The following GBX1 variants were observed in gnomAD, a reference collection of about 807,000 sequenced individuals.
GBX1 encodes homeobox protein GBX-1.
In GBX1, 9 loss-of-function variants were observed where a neutral mutation model predicts 22.9. The ratio of observed to expected loss-of-function variants is 0.39; its 90% CI spans 0.24 to 0.69. GBX1 has a LOEUF of 0.69. Among genes scored for constraint, GBX1 ranks in the 30% least tolerant of loss-of-function variants. The probability of loss-of-function intolerance (pLI) is 0.43; values close to 1 mark genes in which losing one functional copy is unlikely to be tolerated. For synonymous variants in GBX1, 203 were observed against 227.3 expected (o/e 0.89, Z 0.96); for missense variants, 494 against 509.2 (o/e 0.97, Z 0.29).
chr7:151,149,016 G>A lies in GBX1; in HGVS notation c.665C>T (p.Ser222Phe). ...DSEDDGFLDS[S>F]AGGPGALLGP... is the part of the protein sequence containing the mutation. ...CAGAAGAGCCCCTGGGCCCCCTGCA[G>A]AACTGTCCAGGAAACCGTCATCCTC... The change falls in exon 2 of 2, where the codon TCT becomes TTT. Residue 222 changes from serine to phenylalanine, a missense_variant. By Grantham distance (155) the Ser-to-Phe change is radical. Transcript: ENST00000297537. 1 of 1,613,956 alleles carries A rather than the reference G, an allele frequency of 6.2e-7. No individual in the cohort carries two copies. Among genetic ancestry groups the A allele is most frequent in the Non-Finnish European group, 8.5e-7 (1 of 1,180,012 alleles).
rs1431770357 is a variant in GBX1 at position 151,148,146 on chromosome 7, G to A, written c.*443C>T. ...TCAGGGGTGCAGACAGACGTACAGA[G>A]ACAGATAGCTCCATATATACACATT... On this transcript the variant is annotated 3_prime_UTR_variant, in exon 2 of 2. Transcript: ENST00000297537. The surrounding 1 kb of genome is among the most constrained non-coding windows in gnomAD (Gnocchi z 5.1). 6.6e-6 allele frequency among the ~76,000 whole-genome samples: 1 copy of A among 152,170 alleles called. No individual in the cohort carries two copies. Among genetic ancestry groups the A allele is most frequent in the Admixed American group, 6.5e-5 (1 of 15,290 alleles).
At position 151,163,011 on chromosome 7, in the gene GBX1, G is replaced by T. The variant is rs547859701; in HGVS notation, c.538+4000C>A. Among the ~76,000 whole-genome samples the T allele has an allele frequency of 3.3e-5, 5 of 152,108 alleles. No homozygotes were observed. In the East Asian group the frequency reaches 9.6e-4, roughly 29 times the overall value. ...AGTAGAGATGGGGTTTCTCCATGTT[G>T]GTCAGGCTAGTCTGAAACTCCCAAT... On this transcript the variant is annotated intron_variant, in intron 1 of 1. Coordinates refer to ENST00000297537, the MANE Select transcript of GBX1 (RefSeq NM_001098834.3).
At chr7:151,163,329 C>G (rs1249825784) in intron 1 of GBX1, among the ~76,000 whole-genome samples, 1 of 151,996 alleles carries the variant, frequency 6.6e-6, no homozygotes, top group African/African-American at 2.4e-5. Context: ...TTTAGTGCTT[C>G]CTGCTCTCTT....
intron 1 of GBX1, 103 bp downstream of exon 1, chr7:151,166,908 G>C: frequency 4.3e-6 from 5 of 1,169,952 alleles, no homozygotes; most frequent in East Asian, 4.8e-5. Context: ...GGGACTTCAA[G>C]GCTCCAGGCA....
intron 1 of GBX1, among the ~76,000 whole-genome samples, chr7:151,155,491 C>T (rs1294187648): frequency 6.6e-6 from 1 of 152,196 alleles, no homozygotes; most frequent in African/African-American, 2.4e-5. Flanking sequence ...TTCCATTATG[C>T]TCCTACTCCT....
At chr7:151,166,931 C>A in intron 1 of GBX1, 80 bp downstream of exon 1, 1 of 1,442,152 alleles carries the variant, frequency 6.9e-7, no homozygotes. Context: ...TGCCGAGGTG[C>A]CGAGGTTCCG....
intron 1 of GBX1, among the ~76,000 whole-genome samples, chr7:151,155,802 C>T (rs1024328649): frequency 6.6e-5 from 10 of 152,078 alleles, no homozygotes; most frequent in Non-Finnish European, 1.3e-4. Context: ...AGTTGACTGA[C>T]GTAGAGCAGA....
intron 1 of GBX1, among the ~76,000 whole-genome samples, chr7:151,162,949 G>A (rs542169903): frequency 6.6e-6 from 1 of 152,130 alleles, no homozygotes; most frequent in African/African-American, 2.4e-5. Flanking sequence ...TGGGACCACA[G>A]GCATGCGGCA....
rs536221864 is a variant in GBX1 at position 151,151,030 on chromosome 7, C to G, written c.539-1888G>C. On this transcript the variant is annotated intron_variant, in intron 1 of 1. Transcript: ENST00000297537. The stretch of plus-strand genomic sequence containing the variant: ...TACAGGTGTGAGCCACTGCGCCCAG[C>G]TGACATTTTCCTTAGTGGCCAGAAC... Among the ~76,000 whole-genome samples the G allele has an allele frequency of 2.0e-5, 3 of 152,340 alleles. No homozygotes were observed. In the South Asian group the frequency reaches 6.2e-4, roughly 32 times the overall value.
intron 1 of GBX1, among the ~76,000 whole-genome samples, chr7:151,160,914 A>C (rs1033715059): frequency 6.6e-6 from 1 of 152,160 alleles, no homozygotes; most frequent in African/African-American, 2.4e-5. Context: ...GTTCAGACAC[A>C]AAGTTTCTTT....
In GBX1 at chr7:151,149,008, CCCCTGCAGAACTGT is replaced by C; in HGVS notation, c.659_672del (p.Asp220GlyfsTer9). On this transcript the variant is annotated frameshift_variant, in exon 2 of 2. Coordinates refer to ENST00000297537, the MANE Select transcript of GBX1 (RefSeq NM_001098834.3). LOFTEE classifies it high-confidence loss of function. ...TTAGGTCCCAGAAGAGCCCCTGGGC[CCCCTGCAGAACTGT>C]CCAGGAAACCGTCATCCTCGCTGTC... is the stretch of plus-strand genomic sequence containing the variant. 3.1e-6 allele frequency: 5 copies of C among 1,614,064 alleles called. No individual in the cohort carries two copies. The highest frequency in any genetic ancestry group is 1.1e-5 in the South Asian group (1 of 91,082).
rs937100382 is a variant in GBX1, at chr7:151,161,513, A to G, written c.538+5498T>C. ...TTTGTCAGTCTGGTAAAGCCTATGA[A>G]CACTTTCTAGAATAATGCTTTTAGA... On this transcript the variant is annotated intron_variant, in intron 1 of 1. Transcript: ENST00000297537. Among the ~76,000 whole-genome samples the G allele has an allele frequency of 3.9e-5, 6 of 152,196 alleles. No individual in the cohort carries two copies. In the East Asian group the frequency reaches 1.2e-3, roughly 29 times the overall value.
chr7:151,163,813 T>G (rs1016005942), intron 1 of GBX1, among the ~76,000 whole-genome samples: 7 of 152,196 alleles, frequency 4.6e-5, no homozygotes, highest in Admixed American at 1.3e-4. Context: ...TCTTTATTAC[T>G]CTTACTAAAA....
chr7:151,167,269 C>T lies in GBX1; in HGVS notation c.280G>A (p.Ala94Thr), dbSNP rs1425651775. 5.8e-6 allele frequency: 9 copies of T among 1,545,898 alleles called. No homozygotes were observed. Among genetic ancestry groups the T allele is most frequent in the Non-Finnish European group, 7.0e-6 (8 of 1,148,576 alleles). ...TNTFCAGLGQ[A>T]VPSMVALTTA... ...GTCAGCGCCACCATCGAGGGCACAG[C>T]CTGACCCAGCCCCGCGCAGAAGGTG... Residue 94 changes from alanine to threonine, a missense_variant, in exon 1 of 2, where the codon GCT becomes ACT. By Grantham distance (58) the Ala-to-Thr change is moderately conservative (BLOSUM62 0). Around this residue, in one of 3 missense-constraint regions of GBX1, gnomAD observed 365 missense variants for 340.4 expected, o/e 1.07. Transcript: ENST00000297537. The surrounding 1 kb of genome is among the most constrained non-coding windows in gnomAD (Gnocchi z 5.9).
chr7:151,165,565 G>A (rs148841177), intron 1 of GBX1, among the ~76,000 whole-genome samples: 121 of 152,058 alleles, frequency 8.0e-4, no homozygotes, highest in Non-Finnish European at 1.4e-3. Flanking sequence ...CCAGGCTCCC[G>A]CCCTGGGCCC....
At chr7:151,159,260 A>AT (rs1408271054) in intron 1 of GBX1, among the ~76,000 whole-genome samples, 1 of 151,666 alleles carries the variant, frequency 6.6e-6, no homozygotes, top group African/African-American at 2.4e-5. Context: ...AATTTTCTGT[A>AT]TTTTTTGTAG....
At chr7:151,164,458 TC>T (rs1801226753) in intron 1 of GBX1, among the ~76,000 whole-genome samples, 1 of 152,200 alleles carries the variant, frequency 6.6e-6, no homozygotes, top group African/African-American at 2.4e-5. Flanking sequence ...CTGGAAAAAC[TC>T]AAGATTGGGA....
At chr7:151,164,818 T>C (rs2150551184) in intron 1 of GBX1, among the ~76,000 whole-genome samples, 1 of 132,444 alleles carries the variant, frequency 7.6e-6, no homozygotes, top group African/African-American at 2.8e-5. Context: ...TTTCCTCGGA[T>C]GATGAAGCTC....
chr7:151,149,474 C>A (rs1563546043), intron 1 of GBX1, among the ~76,000 whole-genome samples: 1 of 152,090 alleles, frequency 6.6e-6, no homozygotes, highest in East Asian at 1.9e-4. Context: ...GCACCCACCA[C>A]CTCCCCAGCT....
Sources: allele counts gnomAD v4.1 joint callset (sites outside exome capture counted in the v4.1 genomes callset), GRCh38; gene constraint gnomAD v4.1.1; regional missense constraint gnomAD v4.1.1; non-coding constraint Gnocchi (gnomAD v3.1); transcripts MANE v1.5; gene names NCBI Gene and HGNC (gene_info 2026-07-23, HGNC 2026-07-21).